RNU7-1: variants seen among roughly 807,000 people sequenced by gnomAD.
RNU7-1 encodes the protein RNA, small nuclear U7.
At position 6,943,862 on chromosome 12, in the gene RNU7-1, T is replaced by C. The variant is rs782247139; in HGVS notation, n.47T>C. 1.1e-4 allele frequency: 99 copies of C among 939,148 alleles called. No individual in the cohort carries two copies. The African/African-American group carries it at 1.1e-3, about 10-fold the overall frequency. 58.2% of individuals were successfully genotyped at this position (939,148 alleles called of 1,614,324 possible). A position where few individuals can be genotyped will look rare whatever the true frequency, so the allele number is the denominator to read the frequency against. On this transcript the variant is annotated non_coding_transcript_exon_variant, in exon 1 of 1. Coordinates refer to ENST00000458811, the Ensembl canonical transcript of RNU7-1. ...ATTTGTCTAGTAGGCTTTCTGGCTT[T>C]TTACCGGAAAGCCCCTCTTATGATG...
At chr12:6,943,873 G>GC (rs376853939) in exon 1 of RNU7-1, 43 of 966,080 alleles carry the variant, frequency 4.5e-5, no homozygotes, top group African/African-American at 6.7e-5. Flanking sequence ...TTACCGGAAA[G>GC]CCCCTCTTAT....
chr12:6,943,855 C>CT (rs1415940139), exon 1 of RNU7-1: 1 of 933,154 alleles, frequency 1.1e-6, no homozygotes, highest in Non-Finnish European at 1.5e-6. Flanking sequence ...AGTAGGCTTT[C>CT]TGGCTTTTTA....
At chr12:6,943,848 A>AGGCTTTCTG in exon 1 of RNU7-1, 1 of 899,164 alleles carries the variant, frequency 1.1e-6, no homozygotes, top group Non-Finnish European at 1.6e-6. Context: ...TTTGTCTAGT[A>AGGCTTTCTG]GGCTTTCTGG....
rs932737231 is a variant in RNU7-1 at position 6,943,842 on chromosome 12, T to C, written n.27T>C. 19 of 884,744 alleles carry C rather than the reference T, an allele frequency of 2.1e-5. No homozygotes were observed. Among genetic ancestry groups the C allele is most frequent in the East Asian group, 1.0e-4 (3 of 29,912 alleles). The allele number at this position is 884,744 out of a possible 1,614,324, so 54.8% of individuals were successfully genotyped here. A position where few individuals can be genotyped will look rare whatever the true frequency, so the allele number is the denominator to read the frequency against. The stretch of plus-strand genomic sequence containing the variant: ...AGTGTTACAGCTCTTTTAGAATTTG[T>C]CTAGTAGGCTTTCTGGCTTTTTACC... On this transcript the variant is annotated non_coding_transcript_exon_variant, in exon 1 of 1. Transcript: ENST00000458811.
exon 1 of RNU7-1, chr12:6,943,853 T>TG (rs1298070350): frequency 4.4e-6 from 4 of 909,290 alleles, no homozygotes; most frequent in Admixed American, 6.3e-5. Flanking sequence ...CTAGTAGGCT[T>TG]TCTGGCTTTT....
chr12:6,943,827 C>A (rs782652720), exon 1 of RNU7-1: 4 of 863,244 alleles, frequency 4.6e-6, no homozygotes, highest in Non-Finnish European at 6.5e-6. Flanking sequence ...AGTGTTACAG[C>A]TCTTTTAGAA....
chr12:6,943,835 G>C (rs782066592), exon 1 of RNU7-1: 26 of 877,374 alleles, frequency 3.0e-5, no homozygotes, highest in Non-Finnish European at 4.0e-5. Flanking sequence ...AGCTCTTTTA[G>C]AATTTGTCTA....
chr12:6,943,869 G>C lies in RNU7-1; in HGVS notation n.54G>C, dbSNP rs782223539. On this transcript the variant is annotated non_coding_transcript_exon_variant, in exon 1 of 1. Transcript: ENST00000458811. ...TAGTAGGCTTTCTGGCTTTTTACCG[G>C]AAAGCCCCTCTTATGATGTTTGTTG... 110 of 953,476 alleles carry C rather than the reference G, an allele frequency of 1.2e-4. No homozygotes were observed. Among genetic ancestry groups the C allele is most frequent in the African/African-American group, 1.8e-4 (11 of 59,534 alleles). 59.1% of individuals were successfully genotyped at this position (953,476 alleles called of 1,614,324 possible).
exon 1 of RNU7-1, chr12:6,943,870 A>G (rs916709242): frequency 4.3e-5 from 41 of 956,374 alleles, no homozygotes; most frequent in Admixed American, 6.1e-5. Flanking sequence ...TTTTTACCGG[A>G]AAGCCCCTCT....
chr12:6,943,848 AG>A, exon 1 of RNU7-1: 1 of 899,164 alleles, frequency 1.1e-6, no homozygotes. Flanking sequence ...TTTGTCTAGT[AG>A]GCTTTCTGGC....
exon 1 of RNU7-1, chr12:6,943,850 G>T (rs1055698058): frequency 4.5e-6 from 4 of 895,912 alleles, no homozygotes; most frequent in African/African-American, 1.7e-5. Context: ...TGTCTAGTAG[G>T]CTTTCTGGCT....
Position 6,943,864 on chromosome 12 carries a change from T to TC in RNU7-1, n.49_50insC. On this transcript the variant is annotated non_coding_transcript_exon_variant, in exon 1 of 1. Transcript: ENST00000458811. ...TTGTCTAGTAGGCTTTCTGGCTTTTTACCGGAAAGCCCCTCTTATGATGTT... is the reference window on the plus strand; with the variant it reads ...TTGTCTAGTAGGCTTTCTGGCTTTTTCACCGGAAAGCCCCTCTTATGATGTT... The TC allele has an allele frequency of 3.2e-6, 3 of 937,258 alleles. No individual in the cohort carries two copies. The East Asian group carries it at 9.1e-5, about 28-fold the overall frequency. The allele number at this position is 937,258 out of a possible 1,614,324, so 58.1% of individuals were successfully genotyped here.
exon 1 of RNU7-1, chr12:6,943,852 T>C (rs1012635845): frequency 2.8e-5 from 25 of 905,714 alleles, no homozygotes; most frequent in East Asian, 6.3e-5. Context: ...TCTAGTAGGC[T>C]TTCTGGCTTT....
exon 1 of RNU7-1, chr12:6,943,816 CAGT>C (rs1276670710): frequency 3.6e-6 from 3 of 833,588 alleles, no homozygotes; most frequent in Non-Finnish European, 5.1e-6. Context: ...ACATACGCAG[CAGT>C]GTTACAGCTC....
At chr12:6,943,871 A>AAGCCCCTCTTATGAT in exon 1 of RNU7-1, 1 of 955,382 alleles carries the variant, frequency 1.0e-6, no homozygotes, top group Non-Finnish European at 1.5e-6. Flanking sequence ...TTTTACCGGA[A>AAGCCCCTCTTATGAT]AGCCCCTCTT....
At chr12:6,943,878 T>G (rs998478110) in exon 1 of RNU7-1, 6 of 996,774 alleles carry the variant, frequency 6.0e-6, no homozygotes, top group Non-Finnish European at 8.4e-6. Context: ...GGAAAGCCCC[T>G]CTTATGATGT....
At chr12:6,943,870 A>AAAGCCCCTCTTATGAT in exon 1 of RNU7-1, 2 of 956,492 alleles carry the variant, frequency 2.1e-6, no homozygotes, top group East Asian at 3.0e-5. Flanking sequence ...TTTTTACCGG[A>AAAGCCCCTCTTATGAT]AAGCCCCTCT....
chr12:6,943,875 C>CCCT (rs1373545851), exon 1 of RNU7-1: 11 of 974,490 alleles, frequency 1.1e-5, no homozygotes, highest in East Asian at 2.9e-4. Context: ...ACCGGAAAGC[C>CCCT]CCTCTTATGA....
exon 1 of RNU7-1, chr12:6,943,828 TC>T (rs1945692293): frequency 1.2e-6 from 1 of 862,862 alleles, no homozygotes; most frequent in Non-Finnish European, 1.6e-6. Context: ...GTGTTACAGC[TC>T]TTTTAGAATT....
Sources: gnomAD v4.1 joint callset for allele counts on GRCh38, gnomAD v4.1.1 for gene constraint, MANE v1.5 for transcripts, NCBI Gene and HGNC (gene_info 2026-07-23, HGNC 2026-07-21) for gene names.